Variants in EML1 observed in about 807,000 individuals in gnomAD.
The protein encoded by EML1 is echinoderm microtubule-associated protein-like 1.
Under a neutral mutation model 110.4 loss-of-function variants are expected in EML1, and 27 were observed. The observed-to-expected ratio is 0.24, with a 90% CI of 0.18 to 0.34. The LOEUF (loss-of-function observed/expected upper bound fraction) is 0.34. Among genes scored for constraint, EML1 ranks in the 10% least tolerant of loss-of-function variants. The probability of loss-of-function intolerance (pLI) is 1.00; values close to 1 mark genes in which losing one functional copy is unlikely to be tolerated. For missense variants in EML1, 741 were observed against 1,030.9 expected, an observed-to-expected ratio of 0.72 and a Z score of 3.85; for synonymous variants, 344 against 385.8, an observed-to-expected ratio of 0.89 and a Z score of 1.27.
At chr14:99,885,921 G>A (rs2059465980) in intron 4 of EML1, 1 of 455,300 alleles carries the variant, frequency 2.2e-6, no homozygotes, top group Non-Finnish European at 4.4e-6. Context: ...CCAAGCCCTA[G>A]AACACGGATC....
intron 1 of EML1, among the ~76,000 whole-genome samples, chr14:99,759,722 C>T (rs966691084): frequency 3.3e-5 from 5 of 152,222 alleles, no homozygotes; most frequent in Admixed American, 6.5e-5. Flanking sequence ...CTGTCTCCAG[C>T]CTGTGCTGCG....
chr14:99,861,424 T>C (rs1269043344), intron 2 of EML1, among the ~76,000 whole-genome samples: 1 of 152,190 alleles, frequency 6.6e-6, no homozygotes, highest in Non-Finnish European at 1.5e-5. Context: ...TTGTTGTTGG[T>C]AATATTTTAA....
chr14:99,900,350 G>T (rs1302124009), intron 8 of EML1, among the ~76,000 whole-genome samples: 1 of 151,932 alleles, frequency 6.6e-6, no homozygotes. Flanking sequence ...ACCACGCCCG[G>T]CTAATTTTTT....
intron 1 of EML1, among the ~76,000 whole-genome samples, chr14:99,788,385 C>T (rs934413130): frequency 1.3e-5 from 2 of 152,158 alleles, no homozygotes; most frequent in African/African-American, 4.8e-5. Flanking sequence ...CACAAATACT[C>T]GTTCTTACTA....
At chr14:99,900,827 GA>G in intron 8 of EML1, 101 bp from the exon 9 acceptor site, 2 of 961,868 alleles carry the variant, frequency 2.1e-6, no homozygotes, top group Non-Finnish European at 3.2e-6. Flanking sequence ...CTTTTGTTTT[GA>G]CAAAGTCCGA....
At chr14:99,929,958 T>A (rs1361073034) in intron 17 of EML1, among the ~76,000 whole-genome samples, 2 of 152,078 alleles carry the variant, frequency 1.3e-5, no homozygotes, top group East Asian at 1.9e-4. Flanking sequence ...GTTCTTGAGC[T>A]TTATAGGTGG....
intron 1 of EML1, among the ~76,000 whole-genome samples, chr14:99,802,275 G>A (rs1235718417): frequency 6.6e-6 from 1 of 152,154 alleles, no homozygotes; most frequent in African/African-American, 2.4e-5. Flanking sequence ...CGTGTTTTGG[G>A]GACATGGTAA....
At chr14:99,755,538 G>A (rs1008365465) in intron 1 of EML1, among the ~76,000 whole-genome samples, 1 of 152,176 alleles carries the variant, frequency 6.6e-6, no homozygotes, top group Non-Finnish European at 1.5e-5. Flanking sequence ...GCTTAGTGGT[G>A]CCAGCTGTGG....
At chr14:99,841,436 C>T (rs1424893102) in intron 1 of EML1, among the ~76,000 whole-genome samples, 4 of 152,132 alleles carry the variant, frequency 2.6e-5, no homozygotes, top group Non-Finnish European at 5.9e-5. Context: ...TTCACAGGAA[C>T]GTCAGAAGGC....
chr14:99,880,832 A>G (rs1269365919), intron 4 of EML1, among the ~76,000 whole-genome samples: 2 of 152,180 alleles, frequency 1.3e-5, no homozygotes, highest in Non-Finnish European at 2.9e-5. Flanking sequence ...AAATGAGCTA[A>G]CTTGTAGGAA....
intron 2 of EML1, among the ~76,000 whole-genome samples, chr14:99,857,460 T>C (rs2058923134): frequency 6.6e-6 from 1 of 152,216 alleles, no homozygotes; most frequent in South Asian, 2.1e-4. Context: ...AAACTGACCC[T>C]TTTAAAATGT....
At position 99,803,711 on chromosome 14, in the gene EML1, A is replaced by G. The variant is rs550749232; in HGVS notation, c.67+10168A>G. Among the ~76,000 whole-genome samples, 5 of 152,368 alleles carry G rather than the reference A, an allele frequency of 3.3e-5. No homozygotes were observed. In the Middle Eastern group the frequency reaches 0.017, roughly 518 times the overall value. ...TTGACACAATGAAGTGGTTTTTGGCAACTCCAGCATTTTTAACAGTAAAAA... is the reference window on the plus strand; with the variant it reads ...TTGACACAATGAAGTGGTTTTTGGCGACTCCAGCATTTTTAACAGTAAAAA... On this transcript the variant is annotated intron_variant, in intron 1 of 21. Coordinates refer to ENST00000262233, the MANE Select transcript of EML1 (RefSeq NM_004434.3).
intron 2 of EML1, among the ~76,000 whole-genome samples, chr14:99,858,132 G>A (rs2058936342): frequency 6.6e-6 from 1 of 151,640 alleles, no homozygotes; most frequent in Non-Finnish European, 1.5e-5. Context: ...TTTTTACTTA[G>A]CAGTGTGGCC....
intron 17 of EML1, among the ~76,000 whole-genome samples, chr14:99,922,721 G>A (rs2060152167): frequency 1.3e-5 from 2 of 151,988 alleles, no homozygotes; most frequent in Admixed American, 1.3e-4. Flanking sequence ...GTTTTAATTG[G>A]TGTTTCCCTA....
chr14:99,786,643 G>C (rs560259343), intron 1 of EML1, among the ~76,000 whole-genome samples: 1 of 152,240 alleles, frequency 6.6e-6, no homozygotes, highest in Non-Finnish European at 1.5e-5. Flanking sequence ...AAGCCTTCAA[G>C]TGCACGGCAC....
chr14:99,778,316 C>T (rs528086660), intron 1 of EML1, among the ~76,000 whole-genome samples: 9 of 152,272 alleles, frequency 5.9e-5, no homozygotes, highest in Admixed American at 4.6e-4. Flanking sequence ...GATTGAATTT[C>T]CTTTCTTAGA....
intron 1 of EML1, among the ~76,000 whole-genome samples, chr14:99,785,123 C>T (rs777939419): frequency 6.6e-6 from 1 of 151,948 alleles, no homozygotes; most frequent in Non-Finnish European, 1.5e-5. Flanking sequence ...GGCATGATCT[C>T]GGCTCACTGC....
rs144444905 is a variant in EML1 at position 99,896,390 on chromosome 14, G to A, written c.678-755G>A. On this transcript the variant is annotated intron_variant, in intron 6 of 21. Transcript: ENST00000262233. ...TTTTTTCCAGATTCAAATGTCATAG[G>A]CATTTACCTGCACCTGTTTTGGAAT... is the stretch of plus-strand genomic sequence containing the variant. 3.7e-3 allele frequency among the ~76,000 whole-genome samples: 569 copies of A among 151,926 alleles called. 6 individuals are homozygous for A. The highest frequency in any genetic ancestry group is 6.7e-3 in the Non-Finnish European group (458 of 67,962).
upstream of EML1, among the ~76,000 whole-genome samples, chr14:99,790,865 C>CTTT (rs763959981): frequency 4.3e-5 from 6 of 138,546 alleles, no homozygotes; most frequent in Non-Finnish European, 7.7e-5. Context: ...TTTTTCTTTT[C>CTTT]CTTTTTTTTT....
Sources: gnomAD v4.1 joint callset for allele counts (sites outside exome capture counted in the v4.1 genomes callset) on GRCh38, gnomAD v4.1.1 for gene constraint, MANE v1.5 for transcripts, NCBI Gene and HGNC (gene_info 2026-07-23, HGNC 2026-07-21) for gene names.